SEMA6D: variants seen among roughly 807,000 people sequenced by gnomAD.
The protein encoded by SEMA6D is semaphorin 6D.
In SEMA6D, 35 loss-of-function variants were observed where a neutral mutation model predicts 106.6. The ratio of observed to expected loss-of-function variants is 0.33; its 90% CI spans 0.25 to 0.44. SEMA6D has a LOEUF of 0.44. SEMA6D is among the 20% of genes least tolerant of loss of function. The probability of loss-of-function intolerance (pLI) is 1.00; values close to 1 mark genes in which losing one functional copy is unlikely to be tolerated. For synonymous variants in SEMA6D, 499 were observed against 487.7 expected (o/e 1.02, Z -0.31); for missense variants, 1,185 against 1,345.9 (o/e 0.88, Z 1.87).
chr15:47,752,000 CAG>C (rs1387486172), intron 1 of SEMA6D, among the ~76,000 whole-genome samples: 3 of 152,040 alleles, frequency 2.0e-5, no homozygotes, highest in Non-Finnish European at 4.4e-5. Flanking sequence ...AAAACAGAGA[CAG>C]AGTGTTAGAA....
intron 1 of SEMA6D, among the ~76,000 whole-genome samples, chr15:47,315,460 G>T (rs2036628823): frequency 6.6e-6 from 1 of 152,082 alleles, no homozygotes; most frequent in Admixed American, 6.6e-5. Context: ...CTATTTGTCT[G>T]TTCTTTCACC....
chr15:47,398,627 C>T (rs570419491), intron 1 of SEMA6D, among the ~76,000 whole-genome samples: 30 of 152,004 alleles, frequency 2.0e-4, no homozygotes, highest in Non-Finnish European at 2.9e-4. Flanking sequence ...CGGTTTGGCA[C>T]GGAAGAGGGA....
chr15:47,209,864 T>C (rs1399162149), intron 1 of SEMA6D, among the ~76,000 whole-genome samples: 2 of 152,286 alleles, frequency 1.3e-5, no homozygotes, highest in East Asian at 3.9e-4. Flanking sequence ...TTTTGATTCA[T>C]TGGGCCAAAG....
At chr15:47,752,318 C>T (rs1158806220) in intron 1 of SEMA6D, among the ~76,000 whole-genome samples, 1 of 152,166 alleles carries the variant, frequency 6.6e-6, no homozygotes, top group East Asian at 1.9e-4. Context: ...GAACTGTCAA[C>T]TGCTTCTAAA....
intron 1 of SEMA6D, among the ~76,000 whole-genome samples, chr15:47,378,870 T>C (rs1041731444): frequency 8.5e-5 from 13 of 152,202 alleles, no homozygotes; most frequent in Non-Finnish European, 1.8e-4. Context: ...AAGCTGGACA[T>C]TATGGAAACC....
chr15:47,292,218 A>G (rs62000197), intron 1 of SEMA6D, among the ~76,000 whole-genome samples: 2,778 of 152,314 alleles, frequency 0.018, 51 homozygotes, highest in African/African-American at 0.024. Flanking sequence ...ACTGTGATAG[A>G]AACTAAAAGA....
At chr15:47,561,856 A>G (rs2046091333) in intron 3 of SEMA6D, among the ~76,000 whole-genome samples, 1 of 151,940 alleles carries the variant, frequency 6.6e-6, no homozygotes, top group Non-Finnish European at 1.5e-5. Flanking sequence ...CAAAGTTGCC[A>G]TGTTTTACCA....
intron 3 of SEMA6D, among the ~76,000 whole-genome samples, chr15:47,501,346 A>C (rs976992806): frequency 2.0e-5 from 3 of 152,124 alleles, no homozygotes; most frequent in African/African-American, 4.8e-5. Context: ...CTGCTTCTTT[A>C]GCAAAGAAAA....
intron 1 of SEMA6D, among the ~76,000 whole-genome samples, chr15:47,317,597 C>G (rs952239462): frequency 1.3e-5 from 2 of 152,078 alleles, no homozygotes; most frequent in African/African-American, 4.8e-5. Context: ...TTCTCTTACA[C>G]TTTTGAAGAA....
chr15:47,598,005 T>G (rs997297292), intron 3 of SEMA6D, among the ~76,000 whole-genome samples: 1 of 151,956 alleles, frequency 6.6e-6, no homozygotes, highest in Non-Finnish European at 1.5e-5. Context: ...AAATAACTTT[T>G]TTAAATGATG....
intron 1 of SEMA6D, among the ~76,000 whole-genome samples, chr15:47,757,099 C>A (rs920532390): frequency 1.3e-5 from 2 of 152,202 alleles, no homozygotes; most frequent in Admixed American, 6.5e-5. Flanking sequence ...GCAGTGATTC[C>A]ATCCTCAGCC....
intron 1 of SEMA6D, among the ~76,000 whole-genome samples, chr15:47,315,614 G>A (rs1225048853): frequency 2.0e-5 from 3 of 152,088 alleles, no homozygotes; most frequent in Non-Finnish European, 4.4e-5. Flanking sequence ...TTTATAATTA[G>A]TTTGTCAACA....
chr15:47,485,725 C>T (rs1453548441), intron 3 of SEMA6D, among the ~76,000 whole-genome samples: 2 of 152,152 alleles, frequency 1.3e-5, no homozygotes, highest in Non-Finnish European at 2.9e-5. Flanking sequence ...ATAGGCATAG[C>T]ACCGAGCCAC....
intron 1 of SEMA6D, among the ~76,000 whole-genome samples, chr15:47,735,198 A>G (rs80316819): frequency 0.013 from 1,929 of 152,344 alleles, 35 homozygotes; most frequent in African/African-American, 0.044. Context: ...CATGGGCACT[A>G]ACCAATCAAA....
At chr15:47,319,833 C>T (rs1341562491) in intron 1 of SEMA6D, among the ~76,000 whole-genome samples, 1 of 152,032 alleles carries the variant, frequency 6.6e-6, no homozygotes, top group African/African-American at 2.4e-5. Flanking sequence ...CAATATTGTT[C>T]CCCACCTGTG....
intron 4 of SEMA6D, among the ~76,000 whole-genome samples, chr15:47,631,588 A>C (rs1036882664): frequency 6.6e-6 from 1 of 151,768 alleles, no homozygotes; most frequent in Non-Finnish European, 1.5e-5. Context: ...CATAATAGGA[A>C]GGAGGGGGAA....
chr15:47,650,978 G>T (rs2077678288), intron 4 of SEMA6D, among the ~76,000 whole-genome samples: 1 of 152,186 alleles, frequency 6.6e-6, no homozygotes, highest in Non-Finnish European at 1.5e-5. Flanking sequence ...GCCAGTGAGG[G>T]TGCTCGTGAT....
chr15:47,764,294 G>A lies in SEMA6D; in HGVS notation c.1086G>A (p.Val362=). 1.9e-6 allele frequency: 3 copies of A among 1,612,868 alleles called. No homozygotes were observed. Among genetic ancestry groups the A allele is most frequent in the Non-Finnish European group, 2.5e-6 (3 of 1,179,532 alleles). Residue 362 remains valine, a synonymous_variant, in exon 11 of 19, where the codon GTG becomes GTA. Transcript: ENST00000536845. ...SVWTAVPEDK[V]PKPRPGCCAK... ...GGACAGCAGTTCCCGAAGACAAAGT[G>A]CCAAAGCCAAGGTAAATAAAAAAGT...
chr15:47,204,780 T>C (rs1359815936), intron 1 of SEMA6D, among the ~76,000 whole-genome samples: 2 of 152,182 alleles, frequency 1.3e-5, no homozygotes, highest in Admixed American at 1.3e-4. Context: ...ATCTATCATG[T>C]ACAGCATATT....
Sources: gnomAD v4.1 joint callset for allele counts (sites outside exome capture counted in the v4.1 genomes callset) on GRCh38, gnomAD v4.1.1 for gene constraint, MANE v1.5 for transcripts, NCBI Gene and HGNC (gene_info 2026-07-23, HGNC 2026-07-21) for gene names.